The following ZNF44 variants were observed in gnomAD, a reference collection of about 807,000 sequenced individuals.
ZNF44 encodes the protein gonadotropin inducible transcription repressor-2.
A neutral mutation model predicts 11.7 loss-of-function variants in ZNF44; 9 were observed. The ratio of observed to expected loss-of-function variants is 0.77; its 90% CI spans 0.46 to 1.35. The LOEUF is 1.35. Ranked by LOEUF, ZNF44 falls within the 40% of genes most tolerant of loss-of-function variation. The pLI, the probability that ZNF44 is intolerant of heterozygous loss-of-function variation, is 0.00. For missense variants in ZNF44, 696 were observed against 743.1 expected (o/e 0.94, Z 0.74); for synonymous variants, 224 against 242.7 (o/e 0.92, Z 0.72).
At chr19:12,285,663 T>C (rs1445166952) in intron 1 of ZNF44, among the ~76,000 whole-genome samples, 2 of 152,170 alleles carry the variant, frequency 1.3e-5, no homozygotes, top group East Asian at 3.9e-4. Flanking sequence ...ATTCATGAAC[T>C]GTTAGCATGT....
At chr19:12,250,686 A>G in intron 5 of ZNF44, 1 of 427,500 alleles carries the variant, frequency 2.3e-6, no homozygotes, top group Non-Finnish European at 4.7e-6. Context: ...AGAAAAACTC[A>G]TCTTCTTCTT....
intron 3 of ZNF44, 113 bp downstream of exon 3, chr19:12,274,857 TAAG>T: frequency 1.5e-6 from 1 of 668,224 alleles, no homozygotes; most frequent in South Asian, 2.4e-5. Context: ...GAAATTTTTC[TAAG>T]AATAAATAAA....
chr19:12,234,059 C>CT (rs756852195), intron 2 of ZNF44, among the ~76,000 whole-genome samples: 100 of 135,222 alleles, frequency 7.4e-4, no homozygotes, highest in Non-Finnish European at 1.4e-3. Flanking sequence ...GAGACTCTGT[C>CT]TTAAAAAAAA....
chr19:12,275,898 G>T, intron 2 of ZNF44, 58 bp downstream of exon 2: 1 of 1,521,688 alleles, frequency 6.6e-7, no homozygotes, highest in South Asian at 1.2e-5. Context: ...GAACAGCATT[G>T]ATGACCACAA....
At chr19:12,230,280 G>A (rs971959367) in intron 3 of ZNF44, among the ~76,000 whole-genome samples, 6 of 152,184 alleles carry the variant, frequency 3.9e-5, no homozygotes, top group Admixed American at 6.5e-5. Context: ...TGTTCTAGGC[G>A]TCCCCAGACA....
At chr19:12,228,310 T>G (rs948506913) in intron 3 of ZNF44, among the ~76,000 whole-genome samples, 7 of 152,258 alleles carry the variant, frequency 4.6e-5, no homozygotes, top group African/African-American at 1.7e-4. Context: ...TAATTAACTT[T>G]CAGTAAAGTT....
In ZNF44 at chr19:12,276,054, A is replaced by T. The variant is rs768568339; in HGVS notation, c.32T>A (p.Val11Glu). Reference sequence around the variant, plus strand: ...AGCCCACTCCTCATGGGTGAAGTTCACAGCCACATCCTCAAAGGCCACTGA... The same window carrying T: ...AGCCCACTCCTCATGGGTGAAGTTCTCAGCCACATCCTCAAAGGCCACTGA... MDSVAFEDVA[V>E]NFTHEEWALL... is the part of the protein sequence containing the mutation. Residue 11 changes from valine (V) to glutamate (E), a missense_variant, in exon 2 of 4, where the codon GTG becomes GAG. Coordinates refer to ENST00000355684, the MANE Select transcript of ZNF44 (RefSeq NM_016264.4). 4.9e-5 allele frequency: 78 copies of T among 1,607,962 alleles called. 1 individual carries two copies. The highest frequency in any genetic ancestry group is 6.4e-5 in the Non-Finnish European group (75 of 1,175,914).
At chr19:12,254,856 T>C (rs1403610010) in intron 5 of ZNF44, among the ~76,000 whole-genome samples, 3 of 152,070 alleles carry the variant, frequency 2.0e-5, no homozygotes, top group Non-Finnish European at 4.4e-5. Flanking sequence ...GAGGCTGAGG[T>C]GGATGGATCA....
downstream of ZNF44, among the ~76,000 whole-genome samples, chr19:12,268,198 CCA>C (rs1444932088): frequency 2.0e-5 from 3 of 148,206 alleles, no homozygotes; most frequent in Non-Finnish European, 3.0e-5. Context: ...CTTCCCCACC[CCA>C]GTCACAAAGA....
chr19:12,266,112 G>T (rs1246899765), intron 5 of ZNF44, among the ~76,000 whole-genome samples: 1 of 152,116 alleles, frequency 6.6e-6, no homozygotes, highest in African/African-American at 2.4e-5. Flanking sequence ...CTGCCGGCCG[G>T]ACCAGGGCCA....
intron 5 of ZNF44, among the ~76,000 whole-genome samples, chr19:12,250,980 C>T (rs900718789): frequency 1.3e-5 from 2 of 152,010 alleles, no homozygotes; most frequent in African/African-American, 4.8e-5. Flanking sequence ...AATCCTAGCA[C>T]TTTGGGAGGC....
exon 8 of ZNF44, chr19:12,248,185 C>G (rs760875764): frequency 1.5e-6 from 2 of 1,307,734 alleles, no homozygotes; most frequent in South Asian, 1.2e-5. Context: ...TTCCCACATT[C>G]CTTACATTTG....
chr19:12,274,266 C>CTTTTTTTTTATTTT (rs1967115270), intron 3 of ZNF44, among the ~76,000 whole-genome samples: 1 of 90,204 alleles, frequency 1.1e-5, no homozygotes. Context: ...ATTCTTAATT[C>CTTTTTTTTTATTTT]TTTTTTTTTT....
downstream of ZNF44, among the ~76,000 whole-genome samples, chr19:12,247,033 A>T (rs1233516708): frequency 2.0e-5 from 3 of 151,268 alleles, no homozygotes; most frequent in African/African-American, 7.3e-5. Context: ...ATACATATAT[A>T]AAAATATTTT....
At chr19:12,242,901 C>A (rs1007796128), downstream of ZNF44, 1 of 151,984 alleles carries the variant, frequency 6.6e-6, no homozygotes, top group African/African-American at 2.4e-5. Context: ...GAAAGGAAAA[C>A]AACAATGCCT....
At chr19:12,286,005 C>T (rs1967727148) in intron 1 of ZNF44, among the ~76,000 whole-genome samples, 3 of 151,942 alleles carry the variant, frequency 2.0e-5, no homozygotes, top group South Asian at 2.1e-4. Context: ...GGTGACAGAG[C>T]GAGACTCCAT....
chr19:12,276,154 A>T, intron 1 of ZNF44, 72 bp from the exon 2 acceptor site: 1 of 1,557,704 alleles, frequency 6.4e-7, no homozygotes, highest in Non-Finnish European at 8.7e-7. Flanking sequence ...TCACCTTCAT[A>T]AACTTCCCAT....
intron 2 of ZNF44, among the ~76,000 whole-genome samples, chr19:12,231,634 G>T (rs992002648): frequency 4.6e-5 from 7 of 152,208 alleles, no homozygotes; most frequent in African/African-American, 1.7e-4. Context: ...TGGATTTAAT[G>T]AAGATACTGC....
At chr19:12,248,161 G>A (rs771366661) in exon 8 of ZNF44, 276 of 1,304,636 alleles carry the variant, frequency 2.1e-4, no homozygotes, top group Admixed American at 4.1e-4. Flanking sequence ...GCAGAATGGC[G>A]GTAAATGAAG....
Sources: allele counts gnomAD v4.1 joint callset (sites outside exome capture counted in the v4.1 genomes callset), GRCh38; gene constraint gnomAD v4.1.1; transcripts MANE v1.5; gene names NCBI Gene and HGNC (gene_info 2026-07-23, HGNC 2026-07-21).